The following GUCY1A1 variants were observed in gnomAD, a reference collection of about 807,000 sequenced individuals.
GUCY1A1 encodes guanylate cyclase 1 soluble subunit alpha 1, also known as guanylate cyclase soluble subunit alpha-1.
In GUCY1A1, 48 loss-of-function variants were observed where a neutral mutation model predicts 64.5. That is an observed-to-expected ratio of 0.74 (90% confidence interval 0.59 to 0.95). The LOEUF is 0.95. GUCY1A1 is among the 40% of genes least tolerant of loss of function. The pLI is 0.00. For synonymous variants in GUCY1A1, 308 were observed against 303.4 expected, an observed-to-expected ratio of 1.02 and a Z score of -0.16; for missense variants, 804 against 825.3, an observed-to-expected ratio of 0.97 and a Z score of 0.32.
At position 155,734,184 on chromosome 4, in the gene GUCY1A1, A is replaced by T. The variant is rs1318634297; in HGVS notation, c.*3953A>T. ...CTGTGGTAGGCCTAGCAAATGAAAGAGATGAATAAACAAGAGTGTCTAGTC... is the reference window on the plus strand; with the variant it reads ...CTGTGGTAGGCCTAGCAAATGAAAGTGATGAATAAACAAGAGTGTCTAGTC... On this transcript the variant is annotated 3_prime_UTR_variant, in exon 10 of 10. Transcript: ENST00000506455. Among the ~76,000 whole-genome samples, 1 of 151,942 alleles carries T rather than the reference A, an allele frequency of 6.6e-6. No individual in the cohort carries two copies. The highest frequency in any genetic ancestry group is 1.5e-5 in the Non-Finnish European group (1 of 67,936).
At chr4:155,702,409 G>A (rs1731206399) in intron 3 of GUCY1A1, among the ~76,000 whole-genome samples, 1 of 152,102 alleles carries the variant, frequency 6.6e-6, no homozygotes, top group South Asian at 2.1e-4. Context: ...AAGCACCCTG[G>A]CTGATTTACT....
In GUCY1A1 at chr4:155,678,323, C is replaced by T. The variant is rs72685771; in HGVS notation, c.-113+10904C>T. ...CATATCCTCTGAAAAGGTCTCAGGACATCCCCAAGAGTTTGCAAACCACAT... is the reference window on the plus strand; with the variant it reads ...CATATCCTCTGAAAAGGTCTCAGGATATCCCCAAGAGTTTGCAAACCACAT... On this transcript the variant is annotated intron_variant, in intron 2 of 9. Coordinates refer to ENST00000506455, the MANE Select transcript of GUCY1A1 (RefSeq NM_001130682.3). 6.0e-3 allele frequency among the ~76,000 whole-genome samples: 907 copies of T among 152,288 alleles called. 3 individuals are homozygous for T. Among genetic ancestry groups the T allele is most frequent in the Non-Finnish European group, 0.01 (704 of 68,022 alleles).
chr4:155,697,795 T>A (rs890138250), intron 3 of GUCY1A1, among the ~76,000 whole-genome samples: 3 of 152,264 alleles, frequency 2.0e-5, no homozygotes, highest in African/African-American at 7.2e-5. Context: ...CATGTTGAGA[T>A]CTAGAGCACC....
In GUCY1A1 at chr4:155,730,235, C is replaced by A. The variant is rs751982680; in HGVS notation, c.*4C>A. 21 of 1,541,960 alleles carry A rather than the reference C, an allele frequency of 1.4e-5. No homozygotes were observed. The highest frequency in any genetic ancestry group is 3.6e-6 in the Non-Finnish European group (4 of 1,115,178). ...CAAAGCATCAGGAATAGATTAGCAA[C>A]CTATATACCTATTTATAAGTCTTTG... is the stretch of plus-strand genomic sequence containing the variant. On this transcript the variant is annotated 3_prime_UTR_variant, in exon 10 of 10. Transcript: ENST00000506455.
intron 6 of GUCY1A1, 23 bp from the exon 7 acceptor site, chr4:155,713,075 A>G (rs145531819): frequency 3.8e-5 from 60 of 1,571,720 alleles, no homozygotes; most frequent in East Asian, 9.0e-5. Context: ...ATAAACCACA[A>G]TTGGTTATCC....
At position 155,736,728 on chromosome 4, in the gene GUCY1A1, C is replaced by G. The variant is rs938085245; in HGVS notation, c.*6497C>G. On this transcript the variant is annotated 3_prime_UTR_variant, in exon 10 of 10. Coordinates refer to ENST00000506455, the MANE Select transcript of GUCY1A1 (RefSeq NM_001130682.3). The stretch of plus-strand genomic sequence containing the variant: ...TTTTCAGCAAATATTTAACATATCT[C>G]TCAATATATTTTTCACCAGTTTTTG... The G allele has an allele frequency of 6.6e-6, 1 of 151,864 alleles. No individual in the cohort carries two copies. Among genetic ancestry groups the G allele is most frequent in the Non-Finnish European group, 1.5e-5 (1 of 67,920 alleles). The allele number at this position is 151,864 out of a possible 1,614,324, so 9.4% of individuals were successfully genotyped here.
Position 155,697,013 on chromosome 4 carries a change from A to G in GUCY1A1, c.146A>G (p.Asp49Gly). 6.2e-7 allele frequency: 1 copy of G among 1,613,718 alleles called. No individual in the cohort carries two copies. The highest frequency in any genetic ancestry group is 8.5e-7 in the Non-Finnish European group (1 of 1,179,634). The change falls in exon 3 of 10, where the codon GAC (aspartate) becomes GGC (glycine). Residue 49 changes from aspartate to glycine, a missense_variant. Asp to Gly is a moderately conservative substitution (Grantham distance 94). Coordinates refer to ENST00000506455, the MANE Select transcript of GUCY1A1 (RefSeq NM_001130682.3). ...AAAGCAACCGTGCCCATCTGTCAAG[A>G]CATTCCTGAGAAGAACATACAAGAA... Reference protein sequence around the residue: ...SCKATVPICQDIPEKNIQESL... With the variant: ...SCKATVPICQGIPEKNIQESL...
chr4:155,708,157 C>A, intron 4 of GUCY1A1, 79 bp from the exon 5 acceptor site: 1 of 771,322 alleles, frequency 1.3e-6, no homozygotes, highest in Non-Finnish European at 2.2e-6. Context: ...TATTTTCTAT[C>A]ATTGTTTCTG....
Position 155,722,113 on chromosome 4 carries a change from G to A in GUCY1A1, c.1792G>A (p.Gly598Arg). The A allele has an allele frequency of 6.2e-7, 1 of 1,613,544 alleles. No individual in the cohort carries two copies. Among genetic ancestry groups the A allele is most frequent in the East Asian group, 2.2e-5 (1 of 44,844 alleles). Residue 598 changes from glycine (G) to arginine (R), a missense_variant, in exon 9 of 10, where the codon GGA becomes AGA. Gly to Arg is a moderately radical substitution (Grantham distance 125). Coordinates refer to ENST00000506455, the MANE Select transcript of GUCY1A1 (RefSeq NM_001130682.3). The stretch of plus-strand genomic sequence containing the variant: ...TAAAATGCCCCGTTACTGTCTTTTT[G>A]GAAACAATGTCACTCTGGCTAACAA... ...GVKMPRYCLF[G>R]NNVTLANKFE...
rs368914468 is a variant in GUCY1A1, at chr4:155,730,419, G to T, written c.*188G>T. 2 of 322,042 alleles carry T rather than the reference G, an allele frequency of 6.2e-6. No individual in the cohort carries two copies. Among genetic ancestry groups the T allele is most frequent in the Non-Finnish European group, 5.6e-6 (1 of 177,494 alleles). The allele number at this position is 322,042 out of a possible 1,614,324, so 19.9% of individuals were successfully genotyped here. A position where few individuals can be genotyped will look rare whatever the true frequency, so the allele number is the denominator to read the frequency against. ...TCACTTCAGTACTTCAGCTCTTCAA[G>T]AAAAAAAAAAAAAACCTTAAAAAGC... On this transcript the variant is annotated 3_prime_UTR_variant, in exon 10 of 10. Transcript: ENST00000506455.
chr4:155,671,603 G>C (rs575164553), intron 2 of GUCY1A1, among the ~76,000 whole-genome samples: 1 of 152,042 alleles, frequency 6.6e-6, no homozygotes, highest in Non-Finnish European at 1.5e-5. Flanking sequence ...ATTCACAGAG[G>C]ATGTTAAGGT....
In GUCY1A1 at chr4:155,730,093, C is replaced by T; in HGVS notation, c.1935C>T (p.Asn645=). 6.2e-7 allele frequency: 1 copy of T among 1,611,010 alleles called. No individual in the cohort carries two copies. Among genetic ancestry groups the T allele is most frequent in the Non-Finnish European group, 8.5e-7 (1 of 1,177,646 alleles). ...GATCAAGGGAGGAACTTCCACCAAA[C>T]TTCCCTAGTGAAATCCCCGGAATCT... The part of the protein sequence containing the change: ...TPRSREELPP[N]FPSEIPGICH... Residue 645 remains asparagine, a synonymous_variant, in exon 10 of 10, where the codon AAC becomes AAT. Coordinates refer to ENST00000506455, the MANE Select transcript of GUCY1A1 (RefSeq NM_001130682.3).
chr4:155,712,994 T>G (rs1285264475), intron 6 of GUCY1A1, 104 bp from the exon 7 acceptor site: 1 of 968,420 alleles, frequency 1.0e-6, no homozygotes, highest in South Asian at 1.7e-5. Flanking sequence ...TTTCAGCAGG[T>G]TTAAACACAA....
chr4:155,707,605 A>G (rs1412211948), intron 4 of GUCY1A1, among the ~76,000 whole-genome samples: 1 of 94,720 alleles, frequency 1.1e-5, no homozygotes, highest in Non-Finnish European at 2.5e-5. Context: ...ATATAAAGGT[A>G]AAAAAAAAAA....
At chr4:155,686,369 T>C (rs571488928) in intron 2 of GUCY1A1, among the ~76,000 whole-genome samples, 49 of 152,132 alleles carry the variant, frequency 3.2e-4, no homozygotes, top group African/African-American at 1.1e-3. Flanking sequence ...TTGTCCCAGC[T>C]ACTCAGGAGG....
chr4:155,713,830 G>A (rs985478911), intron 7 of GUCY1A1, among the ~76,000 whole-genome samples: 1 of 152,154 alleles, frequency 6.6e-6, no homozygotes, highest in Non-Finnish European at 1.5e-5. Flanking sequence ...CAAAGAATGA[G>A]GAGAGAATGG....
rs752568056 is a variant in GUCY1A1 at position 155,710,834 on chromosome 4, T to A, written c.669T>A (p.Ala223=). The change falls in exon 6 of 10, where the codon GCT becomes GCA. Residue 223 remains alanine, a synonymous_variant. Coordinates refer to ENST00000506455, the MANE Select transcript of GUCY1A1 (RefSeq NM_001130682.3). ...TTCCCGGCATCATAAAGGCAGCTGCTCACGTATTATATGAAACGGAAGTGG... is the reference window on the plus strand; with the variant it reads ...TTCCCGGCATCATAAAGGCAGCTGCACACGTATTATATGAAACGGAAGTGG... ...LILPGIIKAA[A]HVLYETEVEV... 1 of 1,614,116 alleles carries A rather than the reference T, an allele frequency of 6.2e-7. No homozygotes were observed. Among genetic ancestry groups the A allele is most frequent in the Non-Finnish European group, 8.5e-7 (1 of 1,179,998 alleles).
chr4:155,685,898 G>A (rs1181016953), intron 2 of GUCY1A1, among the ~76,000 whole-genome samples: 7 of 152,008 alleles, frequency 4.6e-5, no homozygotes, highest in South Asian at 4.2e-4. Context: ...CCTACCATTC[G>A]GTGAGTTCTG....
At chr4:155,677,343 G>T (rs924582689) in intron 2 of GUCY1A1, among the ~76,000 whole-genome samples, 2 of 152,020 alleles carry the variant, frequency 1.3e-5, no homozygotes, top group Non-Finnish European at 2.9e-5. Flanking sequence ...GGAAAATATT[G>T]GTCCATTGAA....
Sources: gnomAD v4.1 joint callset for allele counts (sites outside exome capture counted in the v4.1 genomes callset) on GRCh38, gnomAD v4.1.1 for gene constraint, MANE v1.5 for transcripts, NCBI Gene and HGNC (gene_info 2026-07-23, HGNC 2026-07-21) for gene names.